The following CNTNAP2 variants were observed in gnomAD, a reference collection of about 807,000 sequenced individuals.
CNTNAP2 encodes the protein contactin-associated protein-like 2.
In CNTNAP2, 98 loss-of-function variants were observed where a neutral mutation model predicts 155.2. The observed-to-expected ratio is 0.63, with a 90% CI of 0.54 to 0.75. The LOEUF is 0.75. Among genes scored for constraint, CNTNAP2 ranks in the 30% least tolerant of loss-of-function variants. The pLI is 0.00. For synonymous variants in CNTNAP2, 651 were observed against 631.2 expected, an observed-to-expected ratio of 1.03 and a Z score of -0.47; for missense variants, 1,727 against 1,688.1, an observed-to-expected ratio of 1.02 and a Z score of -0.40.
chr7:146,783,515 A>G (rs192532371), intron 2 of CNTNAP2, among the ~76,000 whole-genome samples: 33 of 152,330 alleles, frequency 2.2e-4, no homozygotes, highest in Middle Eastern at 3.4e-3. Context: ...TGTATCATTG[A>G]CACTTGTTAT....
intron 12 of CNTNAP2, among the ~76,000 whole-genome samples, chr7:147,587,706 G>A (rs1042932350): frequency 2.6e-5 from 4 of 152,150 alleles, no homozygotes; most frequent in Middle Eastern, 6.8e-3. Context: ...TCTGAAGATC[G>A]GATATTCTTT....
At chr7:148,333,180 C>A (rs1798060462) in intron 21 of CNTNAP2, among the ~76,000 whole-genome samples, 1 of 152,188 alleles carries the variant, frequency 6.6e-6, no homozygotes, top group Non-Finnish European at 1.5e-5. Flanking sequence ...GTAATCCCAA[C>A]ACTTTGGGAG....
At chr7:148,002,844 C>T (rs1201688764) in intron 15 of CNTNAP2, among the ~76,000 whole-genome samples, 1 of 152,106 alleles carries the variant, frequency 6.6e-6, no homozygotes, top group Non-Finnish European at 1.5e-5. Flanking sequence ...TCAAGTAATA[C>T]TGTTACCGGT....
chr7:147,975,661 T>C (rs928857780), intron 14 of CNTNAP2, among the ~76,000 whole-genome samples: 1 of 152,188 alleles, frequency 6.6e-6, no homozygotes, highest in Non-Finnish European at 1.5e-5. Flanking sequence ...AAATTTATTA[T>C]TAATTAAATT....
chr7:146,720,256 T>C (rs1269983982), intron 1 of CNTNAP2, among the ~76,000 whole-genome samples: 1 of 152,182 alleles, frequency 6.6e-6, no homozygotes, highest in Non-Finnish European at 1.5e-5. Context: ...CAAAATGCTG[T>C]CAGCACAGTT....
chr7:147,451,485 C>T (rs1383132939), intron 10 of CNTNAP2, among the ~76,000 whole-genome samples: 3 of 152,100 alleles, frequency 2.0e-5, no homozygotes, highest in Non-Finnish European at 4.4e-5. Context: ...TTAATTCAAA[C>T]TCCCTCCCTG....
At chr7:146,373,403 C>T (rs1013876341) in intron 1 of CNTNAP2, among the ~76,000 whole-genome samples, 22 of 132,240 alleles carry the variant, frequency 1.7e-4, no homozygotes, top group African/African-American at 9.0e-4. Flanking sequence ...GAACTTAACA[C>T]ATACACACAC....
At chr7:146,768,193 A>G (rs896673009) in intron 1 of CNTNAP2, among the ~76,000 whole-genome samples, 2 of 151,854 alleles carry the variant, frequency 1.3e-5, no homozygotes, top group African/African-American at 4.8e-5. Flanking sequence ...ACCTCCCAAC[A>G]AACTTGCCTT....
rs575311454 is a variant in CNTNAP2, at chr7:146,932,055, G to A, written c.402+92151G>A. Among the ~76,000 whole-genome samples the A allele has an allele frequency of 1.0e-2, 1,500 of 150,600 alleles. 24 individuals carry two copies. Among genetic ancestry groups the A allele is most frequent in the African/African-American group, 0.035 (1,435 of 41,168 alleles). On this transcript the variant is annotated intron_variant, in intron 3 of 23. Transcript: ENST00000361727. The stretch of plus-strand genomic sequence containing the variant: ...CCTTCTGAAACTATTCCAATCAATA[G>A]AAAAAGAGGGAATCCTCCCTAACTC...
At chr7:146,959,221 T>C (rs1797503620) in intron 3 of CNTNAP2, among the ~76,000 whole-genome samples, 1 of 151,892 alleles carries the variant, frequency 6.6e-6, no homozygotes, top group Non-Finnish European at 1.5e-5. Flanking sequence ...CGTTTCACCA[T>C]ATTGGCCAGG....
intron 9 of CNTNAP2, among the ~76,000 whole-genome samples, chr7:147,311,362 A>C (rs1229996892): frequency 6.6e-6 from 1 of 152,148 alleles, no homozygotes. Flanking sequence ...GGGAAGGATG[A>C]GTGAGTGGGT....
intron 8 of CNTNAP2, among the ~76,000 whole-genome samples, chr7:147,246,071 T>TATATATATATACATATATATGGC (rs1563131998): frequency 4.0e-5 from 6 of 148,600 alleles, no homozygotes; most frequent in South Asian, 2.1e-4. Context: ...ATATATGGCA[T>TATATATATATACATATATATGGC]ATATATATAT....
intron 13 of CNTNAP2, among the ~76,000 whole-genome samples, chr7:147,701,608 T>G (rs540029608): frequency 1.7e-3 from 266 of 152,312 alleles, no homozygotes; most frequent in Admixed American, 3.2e-3. Context: ...ATATTGTATT[T>G]GGTTTCTTAC....
At chr7:146,199,356 C>T (rs566297809) in intron 1 of CNTNAP2, among the ~76,000 whole-genome samples, 1 of 152,166 alleles carries the variant, frequency 6.6e-6, no homozygotes, top group African/African-American at 2.4e-5. Context: ...TGAGACAGTT[C>T]AACAGGCTGA....
chr7:147,137,754 A>G (rs959776328), intron 8 of CNTNAP2, among the ~76,000 whole-genome samples: 5 of 151,878 alleles, frequency 3.3e-5, no homozygotes, highest in Non-Finnish European at 7.4e-5. Context: ...TTATTTGAAA[A>G]TATTCATAAC....
At chr7:148,024,221 G>C (rs1802337414) in intron 15 of CNTNAP2, among the ~76,000 whole-genome samples, 1 of 146,904 alleles carries the variant, frequency 6.8e-6, no homozygotes, top group Non-Finnish European at 1.5e-5. Flanking sequence ...GAGCTGGCTA[G>C]ATACAGAATG....
rs1424217767 is a variant in CNTNAP2, at chr7:148,319,665, A to T, written c.3475+52539A>T. 2.6e-5 allele frequency among the ~76,000 whole-genome samples: 4 copies of T among 151,922 alleles called. No homozygotes were observed. The East Asian group carries it at 7.7e-4, about 29-fold the overall frequency. On this transcript the variant is annotated intron_variant, in intron 21 of 23. Transcript: ENST00000361727. ...AGCAACACTAGATTCTCATAGGAGC[A>T]CAAACCCGATTGTGTACTGTGCATG...
At chr7:146,177,041 T>C (rs1360970900) in intron 1 of CNTNAP2, among the ~76,000 whole-genome samples, 1 of 152,188 alleles carries the variant, frequency 6.6e-6, no homozygotes, top group East Asian at 1.9e-4. Context: ...CTGCTCTCTG[T>C]CCTTGCCATG....
At chr7:146,787,410 G>A (rs1802592940) in intron 2 of CNTNAP2, among the ~76,000 whole-genome samples, 1 of 152,126 alleles carries the variant, frequency 6.6e-6, no homozygotes, top group African/African-American at 2.4e-5. Context: ...TCTTCCTTCT[G>A]GCGGGTTCGT....
Sources: gnomAD v4.1 joint callset for allele counts (sites outside exome capture counted in the v4.1 genomes callset) on GRCh38, gnomAD v4.1.1 for gene constraint, MANE v1.5 for transcripts, NCBI Gene and HGNC (gene_info 2026-07-23, HGNC 2026-07-21) for gene names.